Variants in MEIS2 observed in about 807,000 individuals in gnomAD.
MEIS2 encodes homeobox protein Meis2.
A neutral mutation model predicts 58.6 loss-of-function variants in MEIS2; 9 were observed. That is an observed-to-expected ratio of 0.15 (90% confidence interval 0.09 to 0.27). The LOEUF is 0.27. Among genes scored for constraint, MEIS2 ranks in the 10% least tolerant of loss-of-function variants. MEIS2 has a pLI of 1.00. For missense variants in MEIS2, 427 were observed against 635.0 expected (o/e 0.67, Z 3.52); for synonymous variants, 221 against 228.4 (o/e 0.97, Z 0.29).
intron 7 of MEIS2, among the ~76,000 whole-genome samples, chr15:37,050,542 G>C (rs1474222184): frequency 6.6e-6 from 1 of 152,158 alleles, no homozygotes; most frequent in Non-Finnish European, 1.5e-5. Flanking sequence ...TATTGAAACA[G>C]ACAATAGAGA....
At chr15:36,960,224 T>C (rs1415773348) in intron 8 of MEIS2, among the ~76,000 whole-genome samples, 1 of 151,988 alleles carries the variant, frequency 6.6e-6, no homozygotes, top group African/African-American at 2.4e-5. Context: ...GAGGAAGAGG[T>C]TGTTTAAAGA....
chr15:36,916,298 G>A (rs886378789), intron 9 of MEIS2, among the ~76,000 whole-genome samples: 17 of 152,034 alleles, frequency 1.1e-4, no homozygotes, highest in African/African-American at 3.9e-4. Flanking sequence ...GTGGTGGCGG[G>A]CGCCTGCAGT....
intron 7 of MEIS2, among the ~76,000 whole-genome samples, chr15:37,070,611 T>G (rs1890573126): frequency 6.6e-6 from 1 of 152,210 alleles, no homozygotes. Context: ...TTTTTGTTTC[T>G]GTTTGTTTGT....
chr15:37,048,876 T>G (rs1213071362), intron 7 of MEIS2, among the ~76,000 whole-genome samples: 1 of 152,202 alleles, frequency 6.6e-6, no homozygotes, highest in African/African-American at 2.4e-5. Context: ...GAATACTTTT[T>G]AAACCATTAA....
At position 36,937,282 on chromosome 15, in the gene MEIS2, C is replaced by A. The variant is rs773781811; in HGVS notation, c.977+13042G>T. The stretch of plus-strand genomic sequence containing the variant: ...TATCAACGTCTAGAGTCACTCTAGA[C>A]AACCTTGACAAATGAAGGTGACTGG... On this transcript the variant is annotated intron_variant, in intron 9 of 11. Transcript: ENST00000561208. Among the ~76,000 whole-genome samples the A allele has an allele frequency of 5.1e-4, 77 of 152,166 alleles. 1 individual carries two copies. Among genetic ancestry groups the A allele is most frequent in the Non-Finnish European group, 1.0e-4 (7 of 68,044 alleles).
chr15:36,919,680 A>G (rs188577473), intron 9 of MEIS2, among the ~76,000 whole-genome samples: 4 of 152,338 alleles, frequency 2.6e-5, no homozygotes, highest in African/African-American at 9.6e-5. Flanking sequence ...GTCCAGTCAT[A>G]GCACTAATTT....
intron 8 of MEIS2, among the ~76,000 whole-genome samples, chr15:36,997,607 G>A (rs908765798): frequency 2.0e-5 from 3 of 151,578 alleles, no homozygotes; most frequent in African/African-American, 7.3e-5. Context: ...CTGCCTTGGA[G>A]TAGCTGGGAC....
chr15:36,947,106 A>G (rs548625196), intron 9 of MEIS2, among the ~76,000 whole-genome samples: 1 of 152,096 alleles, frequency 6.6e-6, no homozygotes, highest in South Asian at 2.1e-4. Context: ...AGTGAGGTGC[A>G]CACATTGAAG....
At chr15:37,077,870 C>T (rs905276616) in intron 7 of MEIS2, among the ~76,000 whole-genome samples, 3 of 151,964 alleles carry the variant, frequency 2.0e-5, no homozygotes, top group Admixed American at 6.6e-5. Flanking sequence ...CTATTGAGAG[C>T]GCTGCAAACA....
intron 6 of MEIS2, among the ~76,000 whole-genome samples, chr15:37,091,398 C>T (rs973668485): frequency 3.9e-5 from 6 of 152,036 alleles, no homozygotes; most frequent in African/African-American, 1.4e-4. Flanking sequence ...AAACAAATAG[C>T]AGGGGGCTAA....
At chr15:36,992,805 G>C (rs1399213170) in intron 8 of MEIS2, among the ~76,000 whole-genome samples, 3 of 151,288 alleles carry the variant, frequency 2.0e-5, no homozygotes, top group African/African-American at 7.3e-5. Flanking sequence ...AGAGAAGGGG[G>C]GCGATGAGAG....
At chr15:37,008,707 C>G (rs1233510456) in intron 8 of MEIS2, among the ~76,000 whole-genome samples, 1 of 152,044 alleles carries the variant, frequency 6.6e-6, no homozygotes, top group Non-Finnish European at 1.5e-5. Context: ...ACTATTTTAG[C>G]TTATTTGGAG....
chr15:36,970,247 C>CA (rs911577604), intron 8 of MEIS2, among the ~76,000 whole-genome samples: 1 of 151,760 alleles, frequency 6.6e-6, no homozygotes, highest in Non-Finnish European at 1.5e-5. Context: ...ACTAAAAATA[C>CA]AAAAAAATTA....
At chr15:37,059,126 G>A (rs1245606215) in intron 7 of MEIS2, among the ~76,000 whole-genome samples, 2 of 152,196 alleles carry the variant, frequency 1.3e-5, no homozygotes, top group Non-Finnish European at 2.9e-5. Context: ...CTGATGCAAA[G>A]TTTGCCCTCA....
chr15:37,072,341 G>A (rs559674816), intron 7 of MEIS2, among the ~76,000 whole-genome samples: 2 of 152,174 alleles, frequency 1.3e-5, no homozygotes, highest in Admixed American at 6.5e-5. Flanking sequence ...AATTCCTGTG[G>A]TCTGTGGTGT....
chr15:36,986,053 G>A (rs751201388), intron 8 of MEIS2, among the ~76,000 whole-genome samples: 5 of 152,156 alleles, frequency 3.3e-5, no homozygotes, highest in Non-Finnish European at 7.4e-5. Flanking sequence ...GGCATTGAGA[G>A]ATAAATTATA....
At chr15:37,062,263 C>A (rs529009945) in intron 7 of MEIS2, among the ~76,000 whole-genome samples, 5 of 152,242 alleles carry the variant, frequency 3.3e-5, no homozygotes, top group Non-Finnish European at 7.4e-5. Flanking sequence ...CAATGCCCAG[C>A]CTAGGAACAG....
chr15:36,927,352 G>A (rs1469610265), intron 9 of MEIS2, among the ~76,000 whole-genome samples: 2 of 152,078 alleles, frequency 1.3e-5, no homozygotes, highest in African/African-American at 4.8e-5. Flanking sequence ...AGGATCTGAG[G>A]GAGGCAGGTA....
intron 8 of MEIS2, among the ~76,000 whole-genome samples, chr15:37,015,579 T>C (rs1471578393): frequency 6.6e-6 from 1 of 151,374 alleles, no homozygotes; most frequent in African/African-American, 2.4e-5. Flanking sequence ...GAGGGCAGAT[T>C]TGAGGTGGGG....
Sources: gnomAD v4.1 joint callset for allele counts (sites outside exome capture counted in the v4.1 genomes callset) on GRCh38, gnomAD v4.1.1 for gene constraint, MANE v1.5 for transcripts, NCBI Gene and HGNC (gene_info 2026-07-23, HGNC 2026-07-21) for gene names.